Variants in BRAP observed in about 807,000 individuals in gnomAD.
BRAP encodes BRCA1-associated protein.
BRAP carries 42 observed loss-of-function variants against 73.4 expected under a neutral mutation model. The observed-to-expected ratio is 0.57, with a 90% CI of 0.45 to 0.74. The LOEUF (loss-of-function observed/expected upper bound fraction) is 0.74. Among genes scored for constraint, BRAP ranks in the 30% least tolerant of loss-of-function variants. BRAP has a pLI of 0.00. For missense variants in BRAP, 593 were observed against 751.4 expected, an observed-to-expected ratio of 0.79 and a Z score of 2.46; for synonymous variants, 255 against 267.4, an observed-to-expected ratio of 0.95 and a Z score of 0.45.
At chr12:111,655,530 G>T (rs752164749) in intron 10 of BRAP, 36 bp downstream of exon 10, 2 of 1,546,428 alleles carry the variant, frequency 1.3e-6, no homozygotes, top group Admixed American at 3.3e-5. Flanking sequence ...CCTGCCATGT[G>T]TCATTTCCGC....
intron 10 of BRAP, 111 bp from the exon 11 acceptor site, chr12:111,650,153 C>A: frequency 1.0e-5 from 6 of 580,988 alleles, no homozygotes; most frequent in South Asian, 4.3e-5. Flanking sequence ...TTTGACAAAC[C>A]AAAATTAGAG....
At chr12:111,681,457 A>G (rs770543040) in intron 3 of BRAP, among the ~76,000 whole-genome samples, 180 bp downstream of exon 3, 5 of 152,146 alleles carry the variant, frequency 3.3e-5, no homozygotes, top group Non-Finnish European at 5.9e-5. Context: ...CTTTGACCCA[A>G]TCCACAAGAT....
chr12:111,645,814 C>T lies in BRAP; in HGVS notation c.1416-1252G>A, dbSNP rs114272593. ...GACCAGCCTGGGCAACAAAGTAAGACCCTGTCTCTACACAAAATCAAAAAA... is the reference window on the plus strand; with the variant it reads ...GACCAGCCTGGGCAACAAAGTAAGATCCTGTCTCTACACAAAATCAAAAAA... On this transcript the variant is annotated intron_variant, in intron 11 of 11. Transcript: ENST00000419234. Among the ~76,000 whole-genome samples the T allele has an allele frequency of 3.4e-3, 513 of 152,092 alleles. 1 individual carries two copies. The highest frequency in any genetic ancestry group is 0.012 in the African/African-American group (491 of 41,506).
chr12:111,644,169 C>G lies in BRAP; in HGVS notation c.*30G>C. The G allele has an allele frequency of 3.1e-6, 5 of 1,589,566 alleles. No homozygotes were observed. The highest frequency in any genetic ancestry group is 4.3e-6 in the Non-Finnish European group (5 of 1,170,864). ...CACACTCTCACAGTGTCAGGGAGAA[C>G]AGTCTCAGGGATGTCTGTTGCTCTG... On this transcript the variant is annotated 3_prime_UTR_variant, in exon 12 of 12. Coordinates refer to ENST00000419234, the MANE Select transcript of BRAP (RefSeq NM_006768.5).
In BRAP at chr12:111,681,647, A is replaced by G; in HGVS notation, c.433T>C (p.Tyr145His). Residue 145 changes from tyrosine (Y) to histidine (H), a missense_variant, in exon 3 of 12, where the codon TAT becomes CAT. Coordinates refer to ENST00000419234, the MANE Select transcript of BRAP (RefSeq NM_006768.5). The part of the protein sequence containing the change: ...VEIVHGIMHL[Y>H]KTNKMTSLKE... Reference sequence around the variant, plus strand: ...AGAGGGTTTTCTTACTTTGTCTTATATAGGTGCATAATACCATGAACTATT... The same window carrying G: ...AGAGGGTTTTCTTACTTTGTCTTATGTAGGTGCATAATACCATGAACTATT... 2.5e-6 allele frequency: 4 copies of G among 1,610,530 alleles called. No homozygotes were observed. Among genetic ancestry groups the G allele is most frequent in the Non-Finnish European group, 3.4e-6 (4 of 1,177,854 alleles).
chr12:111,677,358 C>T (rs774716693), intron 4 of BRAP, among the ~76,000 whole-genome samples: 14 of 152,156 alleles, frequency 9.2e-5, no homozygotes, highest in Non-Finnish European at 1.5e-4. Flanking sequence ...CACAAACAAC[C>T]GCCTCCCTTC....
In BRAP at chr12:111,682,497, C is replaced by CA. The variant is rs11366915; in HGVS notation, c.244+648dup. ...ACCTGGGGACAAAGTGAGACTGTCT[C>CA]AAAAAAAAAAAAAAAAAAAAAGAAA... On this transcript the variant is annotated intron_variant, in intron 2 of 11. Coordinates refer to ENST00000419234, the MANE Select transcript of BRAP (RefSeq NM_006768.5). Among the ~76,000 whole-genome samples, 664 of 77,586 alleles carry CA rather than the reference C, an allele frequency of 8.6e-3. 6 individuals are homozygous for CA. The highest frequency in any genetic ancestry group is 0.019 in the South Asian group (46 of 2,450). The allele number at this position is 77,586 out of a possible 152,430, so 50.9% of individuals were successfully genotyped here.
chr12:111,650,069 C>T, intron 10 of BRAP, 27 bp from the exon 11 acceptor site: 10 of 1,480,358 alleles, frequency 6.8e-6, no homozygotes, highest in Non-Finnish European at 9.4e-6. Flanking sequence ...AAATCAGATT[C>T]ATTTCACAAA....
intron 9 of BRAP, among the ~76,000 whole-genome samples, chr12:111,658,386 T>G (rs918004669): frequency 1.3e-5 from 2 of 152,008 alleles, no homozygotes; most frequent in African/African-American, 4.8e-5. Context: ...CTGCAACCTC[T>G]GCTTCCCAGG....
intron 11 of BRAP, among the ~76,000 whole-genome samples, chr12:111,646,318 C>T (rs1678954365): frequency 6.6e-6 from 1 of 151,774 alleles, no homozygotes; most frequent in African/African-American, 2.4e-5. Context: ...AAAACACTCA[C>T]ACACAAAAAC....
intron 9 of BRAP, among the ~76,000 whole-genome samples, chr12:111,656,066 G>A (rs547071769): frequency 6.6e-6 from 1 of 152,140 alleles, no homozygotes; most frequent in South Asian, 2.1e-4. Flanking sequence ...ATCAGTAACA[G>A]CACTCAGGAC....
chr12:111,651,212 A>AT (rs1387182763), intron 10 of BRAP, among the ~76,000 whole-genome samples: 1,968 of 147,546 alleles, frequency 0.013, 50 homozygotes, highest in African/African-American at 0.048. Context: ...GCAAGTCTCT[A>AT]ATAGCACTAG....
rs571968314 is a variant in BRAP at position 111,672,995 on chromosome 12, CAG to C, written c.634-223_634-222del. ...GTTTACAGTATTTCCTGGGCTACAA[CAG>C]AGTTTTTACCTGAACTGGCAGAAGG... On this transcript the variant is annotated intron_variant, in intron 4 of 11. Transcript: ENST00000419234. 572 of 466,742 alleles carry C rather than the reference CAG, an allele frequency of 1.2e-3. 3 individuals are homozygous for C. The highest frequency in any genetic ancestry group is 3.2e-3 in the Admixed American group (82 of 25,720). The allele number at this position is 466,742 out of a possible 1,614,324, so 28.9% of individuals were successfully genotyped here. A position where few individuals can be genotyped will look rare whatever the true frequency, so the allele number is the denominator to read the frequency against.
intron 3 of BRAP, among the ~76,000 whole-genome samples, chr12:111,680,486 T>C (rs1463489242): frequency 3.3e-5 from 5 of 150,304 alleles, no homozygotes; most frequent in African/African-American, 1.2e-4. Context: ...CACTTGAGGT[T>C]AGGAGTTCGA....
intron 6 of BRAP, among the ~76,000 whole-genome samples, chr12:111,661,715 T>TG (rs1293226324): frequency 2.0e-5 from 3 of 148,756 alleles, no homozygotes; most frequent in South Asian, 2.1e-4. Context: ...AAAAAAAGGT[T>TG]TTTTTTTTTT....
Position 111,685,693 on chromosome 12 carries a change from C to T in BRAP, c.82+18G>A. ...CCAGACCCGGCTACAGGGAATGCGG[C>T]GAGGCCGCGGGACTCACCCGCGGCG... On this transcript the variant is annotated intron_variant, in intron 1 of 11. Transcript: ENST00000419234. The T allele has an allele frequency of 1.3e-6, 2 of 1,596,286 alleles. No individual in the cohort carries two copies. The highest frequency in any genetic ancestry group is 1.7e-6 in the Non-Finnish European group (2 of 1,174,108).
intron 10 of BRAP, among the ~76,000 whole-genome samples, chr12:111,650,313 T>C (rs960669832): frequency 6.6e-6 from 1 of 152,228 alleles, no homozygotes; most frequent in Non-Finnish European, 1.5e-5. Context: ...TCGCCCAGGC[T>C]GGAGTGCAGT....
At chr12:111,654,322 T>TC (rs1886432731) in intron 10 of BRAP, among the ~76,000 whole-genome samples, 2 of 151,962 alleles carry the variant, frequency 1.3e-5, no homozygotes, top group African/African-American at 4.8e-5. Flanking sequence ...ACTGACTTTT[T>TC]TTTTTTTTTT....
intron 4 of BRAP, chr12:111,673,395 T>G (rs2135923262): frequency 6.6e-6 from 1 of 151,832 alleles, no homozygotes; most frequent in South Asian, 2.1e-4. Context: ...TCCCAGCTAC[T>G]CGGGAGGCTG....
Sources: allele counts gnomAD v4.1 joint callset (sites outside exome capture counted in the v4.1 genomes callset), GRCh38; gene constraint gnomAD v4.1.1; transcripts MANE v1.5; gene names NCBI Gene and HGNC (gene_info 2026-07-23, HGNC 2026-07-21).